Variants in COLEC12 observed in about 807,000 individuals in gnomAD.
COLEC12 encodes collectin-12.
COLEC12 carries 33 observed loss-of-function variants against 71.1 expected under a neutral mutation model. That is an observed-to-expected ratio of 0.46 (90% CI 0.35 to 0.62). The LOEUF (loss-of-function observed/expected upper bound fraction) is 0.62. COLEC12 is among the 20% of genes least tolerant of loss of function. The pLI is 0.00. For synonymous variants in COLEC12, 350 were observed against 353.0 expected (o/e 0.99, Z 0.10); for missense variants, 765 against 916.1 (o/e 0.84, Z 2.13).
intron 2 of COLEC12, among the ~76,000 whole-genome samples, chr18:361,583 A>G (rs1390852139): frequency 1.3e-5 from 2 of 152,186 alleles, no homozygotes; most frequent in African/African-American, 4.8e-5. Flanking sequence ...CCCACCACAC[A>G]CACGGACCAG....
At chr18:427,271 G>C (rs1175876751) in intron 2 of COLEC12, among the ~76,000 whole-genome samples, 2 of 152,208 alleles carry the variant, frequency 1.3e-5, no homozygotes, top group Non-Finnish European at 2.9e-5. Context: ...GTGTAGTAAA[G>C]ATGAGTCAGC....
At chr18:478,111 G>C (rs912169347) in intron 2 of COLEC12, among the ~76,000 whole-genome samples, 1 of 152,136 alleles carries the variant, frequency 6.6e-6, no homozygotes, top group African/African-American at 2.4e-5. Context: ...CCACTTTAGG[G>C]TTCCAGAGCT....
rs115013824 is a variant in COLEC12 at position 495,034 on chromosome 18, C to G, written c.7+5474G>C. On this transcript the variant is annotated intron_variant, in intron 1 of 9. Transcript: ENST00000400256. ...ACAAATTCAGAAGTTAAGAGAGCTC[C>G]TAGGATCTCTTTGGAATCTTAATTT... is the stretch of plus-strand genomic sequence containing the variant. 8.0e-3 allele frequency among the ~76,000 whole-genome samples: 1,215 copies of G among 152,160 alleles called. 18 individuals are homozygous for G. The highest frequency in any genetic ancestry group is 0.028 in the African/African-American group (1,169 of 41,526).
chr18:399,700 G>C lies in COLEC12; in HGVS notation c.59-42178C>G, dbSNP rs144276066. 6.6e-6 allele frequency among the ~76,000 whole-genome samples: 1 copy of C among 152,182 alleles called. No individual in the cohort carries two copies. Among genetic ancestry groups the C allele is most frequent in the Non-Finnish European group, 1.5e-5 (1 of 68,040 alleles). On this transcript the variant is annotated intron_variant, in intron 2 of 9. Coordinates refer to ENST00000400256, the MANE Select transcript of COLEC12 (RefSeq NM_130386.3). The surrounding 1 kb of genome is among the most constrained non-coding windows in gnomAD (Gnocchi z 4.0). ...TACTTTGTGCTGTTACCTGTTGTTA[G>C]TTCAACGGGGATGCGGAATTTGGGG... is the stretch of plus-strand genomic sequence containing the variant.
At chr18:418,407 T>C (rs1916030322) in intron 2 of COLEC12, among the ~76,000 whole-genome samples, 1 of 152,150 alleles carries the variant, frequency 6.6e-6, no homozygotes, top group African/African-American at 2.4e-5. Flanking sequence ...TCAGTGAAAG[T>C]ACAAACTAAC....
intron 2 of COLEC12, among the ~76,000 whole-genome samples, chr18:427,545 A>G (rs920489724): frequency 2.6e-5 from 4 of 152,140 alleles, no homozygotes; most frequent in African/African-American, 9.7e-5. Context: ...TGGAGTCCCT[A>G]GACGGTGGTT....
chr18:320,156 A>T (rs1320177139), intron 9 of COLEC12, 92 bp from the exon 10 acceptor site: 1 of 748,234 alleles, frequency 1.3e-6, no homozygotes, highest in African/African-American at 1.8e-5. Context: ...TTTTTATAGG[A>T]CAGTGTCTAA....
At chr18:370,589 C>T (rs1914978341) in intron 2 of COLEC12, among the ~76,000 whole-genome samples, 1 of 152,230 alleles carries the variant, frequency 6.6e-6, no homozygotes, top group African/African-American at 2.4e-5. Context: ...TCCCAGTACA[C>T]TGCATGCGGT....
At chr18:435,651 C>T (rs1462624875) in intron 2 of COLEC12, among the ~76,000 whole-genome samples, 3 of 152,142 alleles carry the variant, frequency 2.0e-5, no homozygotes, top group African/African-American at 4.8e-5. Flanking sequence ...TCTTTTTATA[C>T]GCTGGCTTTT....
intron 2 of COLEC12, among the ~76,000 whole-genome samples, chr18:430,165 C>T (rs1347512242): frequency 6.6e-6 from 1 of 152,080 alleles, no homozygotes; most frequent in Non-Finnish European, 1.5e-5. Flanking sequence ...TGGTGAAACC[C>T]TGTCCCTACT....
chr18:320,090 AT>A, intron 9 of COLEC12, 26 bp from the exon 10 acceptor site: 2 of 1,419,492 alleles, frequency 1.4e-6, no homozygotes, highest in Non-Finnish European at 2.0e-6. Flanking sequence ...AAGAATGGGC[AT>A]TAGTTTTTCT....
intron 2 of COLEC12, among the ~76,000 whole-genome samples, chr18:472,518 GA>G (rs1313541195): frequency 1.6e-4 from 24 of 151,518 alleles, no homozygotes; most frequent in African/African-American, 5.1e-4. Flanking sequence ...CATCTCTACA[GA>G]AAAAAATTTT....
intron 2 of COLEC12, among the ~76,000 whole-genome samples, chr18:374,070 C>T (rs1915060980): frequency 6.6e-6 from 1 of 152,046 alleles, no homozygotes; most frequent in Non-Finnish European, 1.5e-5. Context: ...TAAACCATTG[C>T]TAGAATTGGA....
intron 3 of COLEC12, among the ~76,000 whole-genome samples, chr18:355,316 G>A (rs1326949061): frequency 6.6e-6 from 1 of 152,108 alleles, no homozygotes; most frequent in Non-Finnish European, 1.5e-5. Context: ...GCCTAATTCA[G>A]CTTTCGGGAG....
chr18:477,835 T>C (rs1917334954), intron 2 of COLEC12, among the ~76,000 whole-genome samples: 1 of 151,618 alleles, frequency 6.6e-6, no homozygotes, highest in Non-Finnish European at 1.5e-5. Flanking sequence ...GACACAGGAG[T>C]GATTAGGGGC....
intron 2 of COLEC12, among the ~76,000 whole-genome samples, chr18:400,765 G>A (rs1186101378): frequency 6.6e-6 from 1 of 152,174 alleles, no homozygotes; most frequent in Non-Finnish European, 1.5e-5. Context: ...GCAATGGAAG[G>A]TGTGACTGGC....
At chr18:416,554 T>C (rs1915989634) in intron 2 of COLEC12, among the ~76,000 whole-genome samples, 1 of 152,156 alleles carries the variant, frequency 6.6e-6, no homozygotes, top group Admixed American at 6.5e-5. Context: ...CTGTGCCTCC[T>C]CTCTGGTAGG....
In COLEC12 at chr18:335,131, C is replaced by T; in HGVS notation, c.1427G>A (p.Gly476Glu). The stretch of plus-strand genomic sequence containing the variant: ...TCTCTCACCCGCAGGGCCAGGTGGT[C>T]CAGGCTCCCCCTTCTCTCCTTTCTG... ...KGQKGEKGEP[G>E]PPGPAGERGP... is the part of the protein sequence containing the mutation. The change falls in exon 6 of 10, where the codon GGA becomes GAA. Residue 476 changes from glycine to glutamate, a missense_variant. By Grantham distance (98) the Gly-to-Glu change is moderately conservative (BLOSUM62 -2). Coordinates refer to ENST00000400256, the MANE Select transcript of COLEC12 (RefSeq NM_130386.3). 1 of 1,612,852 alleles carries T rather than the reference C, an allele frequency of 6.2e-7. No individual in the cohort carries two copies. The highest frequency in any genetic ancestry group is 8.5e-7 in the Non-Finnish European group (1 of 1,179,608).
chr18:388,427 G>A (rs373362712), intron 2 of COLEC12, among the ~76,000 whole-genome samples: 22 of 152,130 alleles, frequency 1.4e-4, no homozygotes, highest in East Asian at 9.6e-4. Context: ...CTTAATTAAC[G>A]TGGCACCATG....
Sources: gnomAD v4.1 joint callset for allele counts (sites outside exome capture counted in the v4.1 genomes callset) on GRCh38, gnomAD v4.1.1 for gene constraint, Gnocchi (gnomAD v3.1) non-coding constraint, MANE v1.5 for transcripts, NCBI Gene and HGNC (gene_info 2026-07-23, HGNC 2026-07-21) for gene names.